GRID1: variants seen among roughly 807,000 people sequenced by gnomAD.
The protein encoded by GRID1 is glutamate receptor ionotropic, delta-1.
A neutral mutation model predicts 98.0 loss-of-function variants in GRID1; 28 were observed. That is an observed-to-expected ratio of 0.29 (90% confidence interval 0.21 to 0.39). The LOEUF is 0.39. GRID1 is among the 10% of genes least tolerant of loss of function. GRID1 has a pLI of 1.00. For missense variants in GRID1, 1,111 were observed against 1,340.5 expected (o/e 0.83, Z 2.67); for synonymous variants, 553 against 538.5 (o/e 1.03, Z -0.37).
At chr10:85,868,790 C>T (rs763426809) in intron 6 of GRID1, among the ~76,000 whole-genome samples, 5 of 152,178 alleles carry the variant, frequency 3.3e-5, no homozygotes, top group Non-Finnish European at 5.9e-5. Context: ...ACCAGAGACA[C>T]CCGGTGAGCC....
At position 85,871,974 on chromosome 10, in the gene GRID1, G is replaced by A. The variant is rs1035842035; in HGVS notation, c.781-2794C>T. The stretch of plus-strand genomic sequence containing the variant: ...AAGATGATTTTATTAGATTGGAACC[G>A]ACAGACAGTCAAAGGTGGGGAAATT... On this transcript the variant is annotated intron_variant, in intron 5 of 15. Coordinates refer to ENST00000327946, the MANE Select transcript of GRID1 (RefSeq NM_017551.3). Among the ~76,000 whole-genome samples, 8 of 152,118 alleles carry A rather than the reference G, an allele frequency of 5.3e-5. No individual in the cohort carries two copies. In the South Asian group the frequency reaches 1.0e-3, roughly 20 times the overall value.
chr10:85,872,291 T>C (rs935754046), intron 5 of GRID1, among the ~76,000 whole-genome samples: 9 of 152,108 alleles, frequency 5.9e-5, no homozygotes, highest in Non-Finnish European at 2.9e-5. Context: ...TAATTTAAAT[T>C]ATGCACAAAA....
chr10:85,771,418 C>T (rs1211129181), intron 8 of GRID1, among the ~76,000 whole-genome samples: 7 of 152,108 alleles, frequency 4.6e-5, no homozygotes, highest in African/African-American at 9.6e-5. Flanking sequence ...CATCAACTAA[C>T]GAGCAAAATA....
chr10:85,716,463 A>G (rs1841640813), intron 12 of GRID1, among the ~76,000 whole-genome samples: 1 of 152,024 alleles, frequency 6.6e-6, no homozygotes. Context: ...CTAATGCTAA[A>G]TGACGAGTTA....
At chr10:85,878,398 C>G (rs974647241) in intron 5 of GRID1, among the ~76,000 whole-genome samples, 2 of 152,188 alleles carry the variant, frequency 1.3e-5, no homozygotes, top group Non-Finnish European at 2.9e-5. Flanking sequence ...CAAAGGGAAG[C>G]CCATCAGACT....
intron 4 of GRID1, among the ~76,000 whole-genome samples, chr10:85,942,212 C>T (rs1369413224): frequency 3.3e-5 from 5 of 152,206 alleles, no homozygotes; most frequent in African/African-American, 7.2e-5. Flanking sequence ...CAAGGGGACA[C>T]GTGGAAAGCT....
intron 2 of GRID1, among the ~76,000 whole-genome samples, chr10:86,298,203 A>G (rs1362670417): frequency 6.6e-6 from 1 of 152,246 alleles, no homozygotes; most frequent in Non-Finnish European, 1.5e-5. Flanking sequence ...TGGCCAATTT[A>G]TGCAACCATT....
chr10:85,888,623 G>C (rs1589288601), intron 5 of GRID1, among the ~76,000 whole-genome samples: 1 of 152,164 alleles, frequency 6.6e-6, no homozygotes. Flanking sequence ...TCCTCTGGCT[G>C]GTTGGTTATT....
chr10:86,326,371 G>A (rs1848050800), intron 2 of GRID1, among the ~76,000 whole-genome samples: 1 of 152,208 alleles, frequency 6.6e-6, no homozygotes, highest in Non-Finnish European at 1.5e-5. Flanking sequence ...GCCAACAGTA[G>A]TGGATGAGAA....
chr10:86,315,271 C>T (rs1395256034), intron 2 of GRID1, among the ~76,000 whole-genome samples: 2 of 152,192 alleles, frequency 1.3e-5, no homozygotes, highest in East Asian at 1.9e-4. Context: ...CTCCAGCCCC[C>T]GCCCCCAATA....
intron 4 of GRID1, among the ~76,000 whole-genome samples, chr10:86,031,928 T>A (rs1275005485): frequency 6.6e-6 from 1 of 152,200 alleles, no homozygotes; most frequent in African/African-American, 2.4e-5. Flanking sequence ...TACGTCCCAT[T>A]GGTTCACTCT....
chr10:85,724,265 T>C, intron 11 of GRID1, 87 bp downstream of exon 11: 14 of 993,226 alleles, frequency 1.4e-5, no homozygotes, highest in Non-Finnish European at 1.6e-5. Flanking sequence ...GGAATGACTT[T>C]GGTAAAATGC....
intron 3 of GRID1, among the ~76,000 whole-genome samples, chr10:86,186,321 G>A (rs1317079097): frequency 6.6e-6 from 1 of 152,168 alleles, no homozygotes; most frequent in Admixed American, 6.5e-5. Flanking sequence ...TTCCCAGTCA[G>A]TCTGTTCAGA....
intron 2 of GRID1, among the ~76,000 whole-genome samples, chr10:86,260,966 T>G (rs1847008305): frequency 6.6e-6 from 1 of 152,234 alleles, no homozygotes; most frequent in African/African-American, 2.4e-5. Flanking sequence ...CTGGAGAGCC[T>G]TCTCCTAGCC....
At chr10:85,785,135 A>G (rs1842416367) in intron 8 of GRID1, among the ~76,000 whole-genome samples, 1 of 152,218 alleles carries the variant, frequency 6.6e-6, no homozygotes, top group South Asian at 2.1e-4. Context: ...TGTGCACCCT[A>G]GCAATCAGGA....
At position 86,125,058 on chromosome 10, in the gene GRID1, T is replaced by C. The variant is rs557055485; in HGVS notation, c.726+13761A>G. Among the ~76,000 whole-genome samples, 159 of 152,308 alleles carry C rather than the reference T, an allele frequency of 1.0e-3. 1 individual carries two copies. The South Asian group carries it at 0.012, about 11-fold the overall frequency. On this transcript the variant is annotated intron_variant, in intron 4 of 15. Transcript: ENST00000327946. ...ACATGGTTTTAGAAAAACATGAAAATTGAGGCCACAGCCCAATGCAGTAAT... is the reference window on the plus strand; with the variant it reads ...ACATGGTTTTAGAAAAACATGAAAACTGAGGCCACAGCCCAATGCAGTAAT...
intron 3 of GRID1, among the ~76,000 whole-genome samples, chr10:86,170,274 GGCGGATGGCATGGTCCAGT>G (rs1178091715): frequency 6.6e-6 from 1 of 152,232 alleles, no homozygotes; most frequent in African/African-American, 2.4e-5. Context: ...AGAGCCAGCA[GGCGGATGGCATGGTCCAGT>G]GGACAGCGAT....
rs75828866 is a variant in GRID1, at chr10:85,919,397, T to C, written c.727-3158A>G. ...CCTCTTTTCCCCACATGGAGATAAA[T>C]AGTGCTTTTCTGCAGCCTTTTCCAG... On this transcript the variant is annotated intron_variant, in intron 4 of 15. Transcript: ENST00000327946. 6.6e-3 allele frequency among the ~76,000 whole-genome samples: 1,012 copies of C among 152,312 alleles called. 14 individuals are homozygous for C. Among genetic ancestry groups the C allele is most frequent in the African/African-American group, 0.022 (933 of 41,562 alleles).
At chr10:86,125,487 C>T (rs970111295) in intron 4 of GRID1, among the ~76,000 whole-genome samples, 7 of 152,158 alleles carry the variant, frequency 4.6e-5, no homozygotes, top group African/African-American at 1.7e-4. Flanking sequence ...ACCAAAAGTG[C>T]CTGTAATGGT....
Sources: allele counts gnomAD v4.1 joint callset (sites outside exome capture counted in the v4.1 genomes callset), GRCh38; gene constraint gnomAD v4.1.1; transcripts MANE v1.5; gene names NCBI Gene and HGNC (gene_info 2026-07-23, HGNC 2026-07-21).